ZC3H4: variants seen among roughly 807,000 people sequenced by gnomAD.
The protein encoded by ZC3H4 is zinc finger CCCH domain-containing protein 4.
In ZC3H4, 13 loss-of-function variants were observed where a neutral mutation model predicts 108.3. The observed-to-expected ratio is 0.12, with a 90% CI of 0.08 to 0.19. ZC3H4 has a LOEUF of 0.19. Among genes scored for constraint, ZC3H4 ranks in the 10% least tolerant of loss-of-function variants. The probability of loss-of-function intolerance (pLI) is 1.00; values close to 1 mark genes in which losing one functional copy is unlikely to be tolerated. For missense variants in ZC3H4, 1,734 were observed against 1,838.8 expected, an observed-to-expected ratio of 0.94 and a Z score of 1.04; for synonymous variants, 917 against 749.6, an observed-to-expected ratio of 1.22 and a Z score of -3.65.
In ZC3H4 at chr19:47,066,775, CAG is replaced by C. The variant is rs1568524204; in HGVS notation, c.3491_3492del (p.Ala1164GlyfsTer2). 3 of 1,602,250 alleles carry C rather than the reference CAG, an allele frequency of 1.9e-6. No homozygotes were observed. The highest frequency in any genetic ancestry group is 2.5e-6 in the Non-Finnish European group (3 of 1,178,128). ...PNAGGKATEP[A>X]ADTGAQPKGA... ...CCCTTGGGCTGGGCACCCGTGTCAG[CAG>C]CCGGCTCTGTGGCTTTGCCCCCCGC... On this transcript the variant is annotated frameshift_variant, in exon 15 of 15. Coordinates refer to ENST00000253048, the MANE Select transcript of ZC3H4 (RefSeq NM_015168.2). LOFTEE classifies it high-confidence loss of function.
At position 47,066,488 on chromosome 19, in the gene ZC3H4, C is replaced by A; in HGVS notation, c.3780G>T (p.Lys1260Asn). ...LPVPTLFGTV[K>N]QTPKTGSGSP... ...TTCCTGAGCCCGTCTTGGGTGTCTG[C>A]TTCACCGTCCCGAAGAGGGTGGGCA... The change falls in exon 15 of 15, where the codon AAG becomes AAT. Residue 1260 changes from lysine (K) to asparagine (N), a missense_variant. Around this residue, in one of 9 missense-constraint regions of ZC3H4, gnomAD observed 518 missense variants for 499.6 expected, o/e 1.04. Transcript: ENST00000253048. 6.3e-7 allele frequency: 1 copy of A among 1,582,254 alleles called. No individual in the cohort carries two copies.
rs752881074 is a variant in ZC3H4 at position 47,072,014 on chromosome 19, T to C, written c.1910A>G (p.His637Arg). The C allele has an allele frequency of 1.9e-6, 3 of 1,592,342 alleles. No homozygotes were observed. In the African/African-American group the frequency reaches 4.0e-5, roughly 21 times the overall value. Reference protein sequence around the residue: ...PMHPDMHPDMHPDMHPDMHAD... With the variant: ...PMHPDMHPDMRPDMHPDMHAD... ...GTGCATGTCAGGGTGCATGTCCGGGTGCATGTCGGGGTGCATGTCAGGATG... is the reference window on the plus strand; with the variant it reads ...GTGCATGTCAGGGTGCATGTCCGGGCGCATGTCGGGGTGCATGTCAGGATG... The change falls in exon 13 of 15, where the codon CAC (histidine) becomes CGC (arginine). Residue 637 changes from histidine (H) to arginine (R), a missense_variant. Around this residue, in one of 9 missense-constraint regions of ZC3H4, gnomAD observed 540 missense variants for 484.1 expected, o/e 1.12. Transcript: ENST00000253048. This position sits in a 1 kb window ranked among gnomAD's most constrained non-coding sequence, Gnocchi z 5.6.
chr19:47,111,511 C>G (rs2058039032), intron 2 of ZC3H4, among the ~76,000 whole-genome samples: 1 of 152,142 alleles, frequency 6.6e-6, no homozygotes, highest in African/African-American at 2.4e-5. Context: ...GACCAACTTC[C>G]TCTCCCTACA....
At chr19:47,113,064 C>T (rs1307276993) in intron 1 of ZC3H4, among the ~76,000 whole-genome samples, 1 of 152,260 alleles carries the variant, frequency 6.6e-6, no homozygotes, top group African/African-American at 2.4e-5. Context: ...CTCTGCCCGC[C>T]CTGGGTGCCC....
chr19:47,094,175 A>G, intron 3 of ZC3H4, 95 bp from the exon 4 acceptor site: 2 of 1,309,896 alleles, frequency 1.5e-6, no homozygotes, highest in Non-Finnish European at 2.2e-6. Context: ...CATGTGCCGC[A>G]GGGCTCTGCG....
intron 11 of ZC3H4, among the ~76,000 whole-genome samples, chr19:47,076,409 A>G (rs1486080950): frequency 6.6e-6 from 1 of 152,188 alleles, no homozygotes; most frequent in Non-Finnish European, 1.5e-5. Flanking sequence ...AAAAAGCAAA[A>G]CCAAAAGACA....
In ZC3H4 at chr19:47,067,054, G is replaced by A. The variant is rs557773075; in HGVS notation, c.3214C>T (p.Arg1072Trp). 1.1e-5 allele frequency: 17 copies of A among 1,606,868 alleles called. No homozygotes were observed. Among genetic ancestry groups the A allele is most frequent in the East Asian group, 4.5e-5 (2 of 44,744 alleles). ...PGSSDKPSDP[R>W]VRKAPTDPRL... ...GGGTCGGTGGGGGCCTTCCGCACCCGGGGGTCACTGGGTTTGTCGCTGGAA... is the reference window on the plus strand; with the variant it reads ...GGGTCGGTGGGGGCCTTCCGCACCCAGGGGTCACTGGGTTTGTCGCTGGAA... The change falls in exon 15 of 15, where the codon CGG becomes TGG. Residue 1072 changes from arginine (R) to tryptophan (W), a missense_variant. Physicochemically the swap from Arg to Trp is moderately radical, Grantham distance 101. Transcript: ENST00000253048. The surrounding 1 kb of genome is among the most constrained non-coding windows in gnomAD (Gnocchi z 6.4).
chr19:47,090,475 A>G (rs1431240559), intron 4 of ZC3H4, among the ~76,000 whole-genome samples: 1 of 152,168 alleles, frequency 6.6e-6, no homozygotes, highest in Non-Finnish European at 1.5e-5. Flanking sequence ...AGAAGGGAGC[A>G]TTTCCCAAGG....
chr19:47,088,273 C>A (rs573209848), intron 5 of ZC3H4, among the ~76,000 whole-genome samples: 1 of 151,748 alleles, frequency 6.6e-6, no homozygotes, highest in East Asian at 1.9e-4. Context: ...CCCAGCCAGG[C>A]GCAGTGGCTC....
At chr19:47,108,278 T>G (rs1186581880) in intron 2 of ZC3H4, among the ~76,000 whole-genome samples, 1 of 152,192 alleles carries the variant, frequency 6.6e-6, no homozygotes, top group Admixed American at 6.5e-5. Flanking sequence ...AGAATTACTG[T>G]TCGTGGGGAC....
intron 2 of ZC3H4, among the ~76,000 whole-genome samples, chr19:47,109,630 T>A (rs2058011623): frequency 6.6e-6 from 1 of 152,216 alleles, no homozygotes; most frequent in Non-Finnish European, 1.5e-5. Flanking sequence ...GTAACTGATT[T>A]TACATACCTA....
At chr19:47,096,758 C>T in intron 2 of ZC3H4, 1 of 968,836 alleles carries the variant, frequency 1.0e-6, no homozygotes, top group Non-Finnish European at 1.2e-6. Flanking sequence ...ACCACCCAGG[C>T]CACTAATATT....
intron 3 of ZC3H4, 109 bp from the exon 4 acceptor site, chr19:47,094,189 C>T: frequency 8.7e-7 from 1 of 1,152,174 alleles, no homozygotes; most frequent in Non-Finnish European, 1.3e-6. Flanking sequence ...CTCTGCGCTT[C>T]ACCTGAAACA....
chr19:47,087,112 C>T (rs2057642798), intron 5 of ZC3H4, among the ~76,000 whole-genome samples: 2 of 151,812 alleles, frequency 1.3e-5, no homozygotes, highest in South Asian at 4.2e-4. Flanking sequence ...CTTGTTTCTA[C>T]TAAAAATAGA....
At chr19:47,090,801 C>A (rs1314293356) in intron 4 of ZC3H4, among the ~76,000 whole-genome samples, 1 of 152,130 alleles carries the variant, frequency 6.6e-6, no homozygotes, top group Non-Finnish European at 1.5e-5. Context: ...CTATACAACC[C>A]TAAGTAATAA....
chr19:47,089,935 C>G (rs1223816513), intron 5 of ZC3H4, 32 bp downstream of exon 5: 1 of 1,612,528 alleles, frequency 6.2e-7, no homozygotes, highest in Admixed American at 1.7e-5. Flanking sequence ...GCTCCGATGC[C>G]CCAGAGGAGA....
At chr19:47,106,538 T>G (rs1410617779) in intron 2 of ZC3H4, among the ~76,000 whole-genome samples, 2 of 152,232 alleles carry the variant, frequency 1.3e-5, no homozygotes, top group East Asian at 3.8e-4. Flanking sequence ...AGGAACCTGA[T>G]GGGCCTGCCT....
In ZC3H4 at chr19:47,081,494, C is replaced by T. The variant is rs376889760; in HGVS notation, c.1440+19G>A. ...TCCCAGTTCCTGTAGCCGGGGGCCC[C>T]GTTACCCCCGGACATTACCTTATCC... is the stretch of plus-strand genomic sequence containing the variant. On this transcript the variant is annotated intron_variant, in intron 11 of 14. Transcript: ENST00000253048. The T allele has an allele frequency of 2.1e-4, 336 of 1,611,990 alleles. No homozygotes were observed. Among genetic ancestry groups the T allele is most frequent in the Non-Finnish European group, 2.7e-4 (316 of 1,178,392 alleles).
At position 47,072,991 on chromosome 19, in the gene ZC3H4, A is replaced by C. The variant is rs746039870; in HGVS notation, c.1441-278T>G. On this transcript the variant is annotated intron_variant, in intron 11 of 14. Coordinates refer to ENST00000253048, the MANE Select transcript of ZC3H4 (RefSeq NM_015168.2). The surrounding 1 kb of genome is among the most constrained non-coding windows in gnomAD (Gnocchi z 5.6). Reference sequence around the variant, plus strand: ...TTTAACCATTTAAAGTGAACGATTCAGCTGGGCGCAGGGACTCACATCTGT... The same window carrying C: ...TTTAACCATTTAAAGTGAACGATTCCGCTGGGCGCAGGGACTCACATCTGT... Among the ~76,000 whole-genome samples the C allele has an allele frequency of 2.0e-5, 3 of 152,186 alleles. No homozygotes were observed. The highest frequency in any genetic ancestry group is 4.4e-5 in the Non-Finnish European group (3 of 68,026).
Sources: gnomAD v4.1 joint callset for allele counts (sites outside exome capture counted in the v4.1 genomes callset) on GRCh38, gnomAD v4.1.1 for gene constraint, gnomAD v4.1.1 regional missense constraint, Gnocchi (gnomAD v3.1) non-coding constraint, MANE v1.5 for transcripts, NCBI Gene and HGNC (gene_info 2026-07-23, HGNC 2026-07-21) for gene names.